The following MAGI2 variants were observed in gnomAD, a reference collection of about 807,000 sequenced individuals.
MAGI2 encodes the protein membrane-associated guanylate kinase, WW and PDZ domain-containing protein 2.
A neutral mutation model predicts 133.3 loss-of-function variants in MAGI2; 35 were observed. That is an observed-to-expected ratio of 0.26 (90% CI 0.20 to 0.35). The LOEUF is 0.35. Ranked by LOEUF, MAGI2 falls within the 10% of genes least tolerant of loss-of-function variation. The pLI is 1.00. For missense variants in MAGI2, 1,636 were observed against 1,863.4 expected (o/e 0.88, Z 2.25); for synonymous variants, 729 against 710.6 (o/e 1.03, Z -0.41).
chr7:78,372,988 A>ATGTG (rs60067535), intron 6 of MAGI2, among the ~76,000 whole-genome samples: 1 of 151,596 alleles, frequency 6.6e-6, no homozygotes, highest in Non-Finnish European at 1.5e-5. Flanking sequence ...AAATAACCTT[A>ATGTG]TGTGTGTGTA....
chr7:79,247,793 A>T (rs555150607), intron 1 of MAGI2, among the ~76,000 whole-genome samples: 1 of 152,206 alleles, frequency 6.6e-6, no homozygotes, highest in Admixed American at 6.5e-5. Context: ...GGTTGTCATC[A>T]GTTTAAAATA....
chr7:79,439,431 T>C lies in MAGI2; in HGVS notation c.301+13589A>G, dbSNP rs577918643. 3.4e-5 allele frequency among the ~76,000 whole-genome samples: 5 copies of C among 147,804 alleles called. No homozygotes were observed. The South Asian group carries it at 1.1e-3, about 32-fold the overall frequency. ...GACTTGGAGCTCAAATCCAATTAAG[T>C]CTTCAGACTCCAAGATCCACACTCT... On this transcript the variant is annotated intron_variant, in intron 1 of 21. Coordinates refer to ENST00000354212, the MANE Select transcript of MAGI2 (RefSeq NM_012301.4).
In MAGI2 at chr7:78,652,664, C is replaced by T. The variant is rs565269782; in HGVS notation, c.419-25425G>A. Reference sequence around the variant, plus strand: ...TAAGTTTAAAGACTTAAACCTAAGACCTAAAACCATGAAAACCGTAGAAGA... The same window carrying T: ...TAAGTTTAAAGACTTAAACCTAAGATCTAAAACCATGAAAACCGTAGAAGA... On this transcript the variant is annotated intron_variant, in intron 2 of 21. Transcript: ENST00000354212. Among the ~76,000 whole-genome samples, 152 of 152,204 alleles carry T rather than the reference C, an allele frequency of 1.0e-3. 2 individuals carry two copies. Among genetic ancestry groups the T allele is most frequent in the Non-Finnish European group, 1.8e-3 (124 of 68,000 alleles).
chr7:78,648,226 C>CA lies in MAGI2; in HGVS notation c.419-20988dup, dbSNP rs773952017. On this transcript the variant is annotated intron_variant, in intron 2 of 21. Coordinates refer to ENST00000354212, the MANE Select transcript of MAGI2 (RefSeq NM_012301.4). Reference sequence around the variant, plus strand: ...AGTACAATAAATAACAATTCAAAGTCAAAAAAATTCTGTCATGGTTCCCAA... The same window carrying CA: ...AGTACAATAAATAACAATTCAAAGTCAAAAAAAATTCTGTCATGGTTCCCAA... Among the ~76,000 whole-genome samples, 59 of 152,072 alleles carry CA rather than the reference C, an allele frequency of 3.9e-4. 1 individual carries two copies. Among genetic ancestry groups the CA allele is most frequent in the Non-Finnish European group, 6.0e-4 (41 of 67,980 alleles).
intron 1 of MAGI2, among the ~76,000 whole-genome samples, chr7:79,428,907 T>C (rs59169073): frequency 0.16 from 24,295 of 152,058 alleles, 2,103 homozygotes; most frequent in East Asian, 0.29. Context: ...CAATAGGTAA[T>C]TTTTTTAGAT....
chr7:78,382,191 CG>C (rs945802644), intron 6 of MAGI2, among the ~76,000 whole-genome samples: 11 of 34,134 alleles, frequency 3.2e-4, no homozygotes, highest in South Asian at 8.8e-4. Context: ...TTCAAATGTT[CG>C]TTTTTTTTAA....
chr7:78,762,275 C>T (rs1033003895), intron 2 of MAGI2, among the ~76,000 whole-genome samples: 3 of 151,846 alleles, frequency 2.0e-5, no homozygotes, highest in Non-Finnish European at 4.4e-5. Context: ...AAAACCCCAT[C>T]CCTACTAAAA....
chr7:79,352,761 GATTCAAGGAAA>G (rs759637291), intron 1 of MAGI2, among the ~76,000 whole-genome samples: 13 of 152,152 alleles, frequency 8.5e-5, no homozygotes, highest in Admixed American at 2.0e-4. Context: ...AATATGTTTA[GATTCAAGGAAA>G]ATTCAGCTTA....
At chr7:79,013,122 G>T (rs1178976077) in intron 1 of MAGI2, among the ~76,000 whole-genome samples, 1 of 152,054 alleles carries the variant, frequency 6.6e-6, no homozygotes, top group Admixed American at 6.6e-5. Context: ...TAAATTTTAT[G>T]CTTCCCTATA....
At chr7:79,295,951 G>A (rs1311549094) in intron 1 of MAGI2, among the ~76,000 whole-genome samples, 1 of 152,114 alleles carries the variant, frequency 6.6e-6, no homozygotes, top group Non-Finnish European at 1.5e-5. Flanking sequence ...TTTAGACATA[G>A]ATTTGTCATA....
At chr7:78,471,753 C>T (rs1379840257) in intron 6 of MAGI2, among the ~76,000 whole-genome samples, 4 of 151,844 alleles carry the variant, frequency 2.6e-5, no homozygotes, top group Admixed American at 6.6e-5. Flanking sequence ...AGTGAAACCC[C>T]GTGTCTACTA....
At chr7:78,813,727 A>C (rs531496663) in intron 2 of MAGI2, among the ~76,000 whole-genome samples, 2 of 144,224 alleles carry the variant, frequency 1.4e-5, no homozygotes. Context: ...CAGAGCTTGC[A>C]GTGAGCTGAG....
intron 1 of MAGI2, among the ~76,000 whole-genome samples, chr7:79,378,933 T>C (rs1269882014): frequency 3.3e-5 from 1 of 30,406 alleles, no homozygotes; most frequent in African/African-American, 1.4e-4. Flanking sequence ...TGTGTATATA[T>C]ATATATATAT....
intron 4 of MAGI2, among the ~76,000 whole-genome samples, chr7:78,513,209 G>T (rs566171735): frequency 6.6e-6 from 1 of 152,196 alleles, no homozygotes; most frequent in Admixed American, 6.5e-5. Context: ...AGATGAAAGA[G>T]AAAATTAGGA....
At chr7:79,103,277 AG>A (rs1292431734) in intron 1 of MAGI2, among the ~76,000 whole-genome samples, 2 of 152,190 alleles carry the variant, frequency 1.3e-5, no homozygotes, top group African/African-American at 4.8e-5. Flanking sequence ...TTATCCAACT[AG>A]AGGCATCTCT....
In MAGI2 at chr7:78,615,973, G is replaced by A. The variant is rs373389692; in HGVS notation, c.538+11147C>T. ...TAAGGTGAGGTGGAAATCTTAGCAC[G>A]GAACAATTACTAATTGATAAAAATA... On this transcript the variant is annotated intron_variant, in intron 3 of 21. Transcript: ENST00000354212. 10 of 152,142 alleles carry A rather than the reference G, an allele frequency of 6.6e-5. No individual in the cohort carries two copies. The East Asian group carries it at 9.7e-4, about 15-fold the overall frequency. The allele number at this position is 152,142 out of a possible 1,614,324, so 9.4% of individuals were successfully genotyped here. A position where few individuals can be genotyped will look rare whatever the true frequency, so the allele number is the denominator to read the frequency against.
chr7:78,655,788 T>C (rs1304884857), intron 2 of MAGI2, among the ~76,000 whole-genome samples: 1 of 151,994 alleles, frequency 6.6e-6, no homozygotes, highest in African/African-American at 2.4e-5. Context: ...GAGACCATCC[T>C]GGCTAACACG....
At chr7:79,292,416 G>A (rs1475509826) in intron 1 of MAGI2, among the ~76,000 whole-genome samples, 1 of 151,790 alleles carries the variant, frequency 6.6e-6, no homozygotes, top group Non-Finnish European at 1.5e-5. Flanking sequence ...GAGGTCAGGG[G>A]TTTGAGACCA....
At chr7:79,153,630 A>G (rs1823484743) in intron 1 of MAGI2, among the ~76,000 whole-genome samples, 1 of 152,186 alleles carries the variant, frequency 6.6e-6, no homozygotes, top group Non-Finnish European at 1.5e-5. Context: ...AAGGCATTGA[A>G]GTGGGCAAAA....
Sources: allele counts gnomAD v4.1 joint callset (sites outside exome capture counted in the v4.1 genomes callset), GRCh38; gene constraint gnomAD v4.1.1; transcripts MANE v1.5; gene names NCBI Gene and HGNC (gene_info 2026-07-23, HGNC 2026-07-21).